The following ZC3H4 variants were observed in gnomAD, a reference collection of about 807,000 sequenced individuals.
ZC3H4 encodes the protein zinc finger CCCH-type containing 4, also known as zinc finger CCCH domain-containing protein 4.
In ZC3H4, 13 loss-of-function variants were observed where a neutral mutation model predicts 108.3. The ratio of observed to expected loss-of-function variants is 0.12; its 90% CI spans 0.08 to 0.19. The LOEUF (loss-of-function observed/expected upper bound fraction) is 0.19, where lower values mean the gene tolerates loss of function less well. Among genes scored for constraint, ZC3H4 ranks in the 10% least tolerant of loss-of-function variants. The pLI is 1.00. For missense variants in ZC3H4, 1,734 were observed against 1,838.8 expected, an observed-to-expected ratio of 0.94 and a Z score of 1.04; for synonymous variants, 917 against 749.6, an observed-to-expected ratio of 1.22 and a Z score of -3.65.
intron 3 of ZC3H4, 44 bp downstream of exon 3, chr19:47,094,345 G>A (rs778585650): frequency 6.2e-7 from 1 of 1,605,604 alleles, no homozygotes; most frequent in African/African-American, 1.3e-5. Context: ...TCTCAGCCAG[G>A]CCCAATGCCA....
chr19:47,080,171 C>G (rs561259731), intron 11 of ZC3H4, among the ~76,000 whole-genome samples: 1 of 152,178 alleles, frequency 6.6e-6, no homozygotes, highest in Non-Finnish European at 1.5e-5. Context: ...GGCAGGAAAG[C>G]TTCATTTGAA....
At chr19:47,092,082 T>C (rs1428586216) in intron 4 of ZC3H4, among the ~76,000 whole-genome samples, 1 of 151,636 alleles carries the variant, frequency 6.6e-6, no homozygotes, top group Non-Finnish European at 1.5e-5. Context: ...TTATGGCCCA[T>C]GGTTCCAGCT....
intron 2 of ZC3H4, 56 bp from the exon 3 acceptor site, chr19:47,094,664 G>C: frequency 6.3e-7 from 1 of 1,579,994 alleles, no homozygotes; most frequent in South Asian, 1.1e-5. Context: ...AGACCTCCTA[G>C]GGCTCTGGGC....
chr19:47,068,982 AG>A, intron 14 of ZC3H4, 109 bp downstream of exon 14: 1 of 1,557,444 alleles, frequency 6.4e-7, no homozygotes, highest in South Asian at 1.2e-5. Flanking sequence ...GGTCCTCCCT[AG>A]CCATGGGCTC....
chr19:47,089,503 G>A (rs1377060999), intron 5 of ZC3H4, among the ~76,000 whole-genome samples: 1 of 152,186 alleles, frequency 6.6e-6, no homozygotes, highest in Non-Finnish European at 1.5e-5. Flanking sequence ...GCCAGTCAGG[G>A]CTACCGTGTC....
rs995257003 is a variant in ZC3H4, at chr19:47,066,242, A to G, written c.*114T>C. On this transcript the variant is annotated 3_prime_UTR_variant, in exon 15 of 15. Coordinates refer to ENST00000253048, the MANE Select transcript of ZC3H4 (RefSeq NM_015168.2). ...AGAGACGGAAAGCAAAAGAAAAAGAAAAGAAAAAAGGAACACCCAGCCTGC... is the reference window on the plus strand; with the variant it reads ...AGAGACGGAAAGCAAAAGAAAAAGAGAAGAAAAAAGGAACACCCAGCCTGC... 3.8e-6 allele frequency: 3 copies of G among 784,872 alleles called. No individual in the cohort carries two copies. The African/African-American group carries it at 5.4e-5, about 14-fold the overall frequency. The allele number at this position is 784,872 out of a possible 1,614,324, so 48.6% of individuals were successfully genotyped here.
At chr19:47,074,947 T>C (rs919499918) in intron 11 of ZC3H4, among the ~76,000 whole-genome samples, 2 of 152,208 alleles carry the variant, frequency 1.3e-5, no homozygotes, top group African/African-American at 4.8e-5. Flanking sequence ...CTCTGGGTCA[T>C]CTTGGGGACC....
chr19:47,097,182 T>G (rs1480445355), intron 2 of ZC3H4, among the ~76,000 whole-genome samples: 3 of 152,206 alleles, frequency 2.0e-5, no homozygotes, highest in Non-Finnish European at 4.4e-5. Flanking sequence ...CTGCACATTA[T>G]CGATATTAAC....
In ZC3H4 at chr19:47,067,287, G is replaced by A. The variant is rs897491260; in HGVS notation, c.2981C>T (p.Ala994Val). ...CAGGGCCGCGGGCACGGGGGGCACT[G>A]CGTCCTGCTTGGGGATGGGTAGGGG... ...LIPLPIPKQD[A>V]VPPVPAALQS... The change falls in exon 15 of 15, where the codon GCA (alanine) becomes GTA (valine). Residue 994 changes from alanine (A) to valine (V), a missense_variant. Physicochemically the swap from Ala to Val is moderately conservative, Grantham distance 64. Around this residue, in one of 9 missense-constraint regions of ZC3H4, gnomAD observed 518 missense variants for 499.6 expected, o/e 1.04. Transcript: ENST00000253048. The surrounding 1 kb of genome is among the most constrained non-coding windows in gnomAD (Gnocchi z 6.4). 1 of 1,590,370 alleles carries A rather than the reference G, an allele frequency of 6.3e-7. No individual in the cohort carries two copies. The highest frequency in any genetic ancestry group is 1.3e-5 in the African/African-American group (1 of 74,418).
chr19:47,096,499 T>C (rs1028855413), intron 2 of ZC3H4, among the ~76,000 whole-genome samples: 2 of 152,194 alleles, frequency 1.3e-5, no homozygotes, highest in Non-Finnish European at 2.9e-5. Context: ...GAGAAGCTGT[T>C]ACTCAGTGAC....
intron 7 of ZC3H4, 41 bp from the exon 8 acceptor site, chr19:47,085,236 C>A: frequency 6.3e-7 from 1 of 1,579,100 alleles, no homozygotes; most frequent in Non-Finnish European, 8.6e-7. Flanking sequence ...TGACCACCCC[C>A]TCCCCCACCC....
At chr19:47,086,264 T>G in intron 6 of ZC3H4, 120 bp downstream of exon 6, 1 of 1,181,652 alleles carries the variant, frequency 8.5e-7, no homozygotes, top group South Asian at 1.4e-5. Context: ...GAGGCTTCCC[T>G]TCCTTCAGAA....
rs752114407 is a variant in ZC3H4, at chr19:47,083,661, A to G, written c.1218+684T>C. Among the ~76,000 whole-genome samples the G allele has an allele frequency of 2.6e-5, 4 of 152,122 alleles. No homozygotes were observed. The East Asian group carries it at 7.7e-4, about 29-fold the overall frequency. ...GAGGCGGAGGTTGCAGTGAGCCGAG[A>G]TCACGCCACTGCACTCCAGCCTGGG... On this transcript the variant is annotated intron_variant, in intron 9 of 14. Transcript: ENST00000253048.
intron 10 of ZC3H4, 55 bp downstream of exon 10, chr19:47,082,129 G>A: frequency 3.6e-6 from 5 of 1,402,250 alleles, no homozygotes; most frequent in Non-Finnish European, 4.1e-6. Context: ...CCACCATCAA[G>A]GAGCAGAGAA....
At position 47,086,408 on chromosome 19, in the gene ZC3H4, C is replaced by G; in HGVS notation, c.846G>C (p.Glu282Asp). The change falls in exon 6 of 15, where the codon GAG becomes GAC. Residue 282 changes from glutamate (E) to aspartate (D), a missense_variant. This residue lies in a region of ZC3H4 where 403 missense variants were observed against 457.0 expected (regional missense o/e 0.88). Transcript: ENST00000253048. The part of the protein sequence containing the change: ...SMGGDHPEDE[E>D]DFYEEEMDYG... ...CGTCCATCTCTTCCTCGTAGAAATC[C>G]TCTTCATCCTCCGGGTGGTCTCCTC... 1 of 1,613,580 alleles carries G rather than the reference C, an allele frequency of 6.2e-7. No individual in the cohort carries two copies. Among genetic ancestry groups the G allele is most frequent in the Non-Finnish European group, 8.5e-7 (1 of 1,179,882 alleles).
At chr19:47,076,369 C>T (rs1247184905) in intron 11 of ZC3H4, among the ~76,000 whole-genome samples, 22 of 152,180 alleles carry the variant, frequency 1.4e-4, no homozygotes, top group Non-Finnish European at 2.9e-5. Context: ...AGCCTGTTTA[C>T]CCCATAATTC....
chr19:47,090,768 T>A (rs1456620621), intron 4 of ZC3H4, among the ~76,000 whole-genome samples: 1 of 152,158 alleles, frequency 6.6e-6, no homozygotes. Flanking sequence ...CAATAAAGTG[T>A]GTATTGGGCA....
At chr19:47,086,788 G>C (rs2057636701) in intron 5 of ZC3H4, among the ~76,000 whole-genome samples, 1 of 152,122 alleles carries the variant, frequency 6.6e-6, no homozygotes, top group Non-Finnish European at 1.5e-5. Context: ...TCCTCACAGG[G>C]ACTTGTCTAC....
At chr19:47,112,722 T>A (rs2058056522) in intron 1 of ZC3H4, 133 bp from the exon 2 acceptor site, 2 of 461,906 alleles carry the variant, frequency 4.3e-6, no homozygotes, top group Non-Finnish European at 7.0e-6. Flanking sequence ...ACCTCTGCGC[T>A]GACCTCCGCG....
Sources: gnomAD v4.1 joint callset for allele counts (sites outside exome capture counted in the v4.1 genomes callset) on GRCh38, gnomAD v4.1.1 for gene constraint, gnomAD v4.1.1 regional missense constraint, Gnocchi (gnomAD v3.1) non-coding constraint, MANE v1.5 for transcripts, NCBI Gene and HGNC (gene_info 2026-07-23, HGNC 2026-07-21) for gene names.